The following MYH11 variants were observed in gnomAD, a reference collection of about 807,000 sequenced individuals.
The protein encoded by MYH11 is myosin-11.
A neutral mutation model predicts 246.6 loss-of-function variants in MYH11; 80 were observed. The ratio of observed to expected loss-of-function variants is 0.32; its 90% CI spans 0.27 to 0.39. The LOEUF is 0.39. Ranked by LOEUF, MYH11 falls within the 10% of genes least tolerant of loss-of-function variation. The probability of loss-of-function intolerance (pLI) is 1.00; values close to 1 mark genes in which losing one functional copy is unlikely to be tolerated. For synonymous variants in MYH11, 1,071 were observed against 1,015.5 expected (o/e 1.05, Z -1.04); for missense variants, 2,158 against 2,546.8 (o/e 0.85, Z 3.29).
Position 15,750,398 on chromosome 16 carries a change from G to A in MYH11, c.1865-67C>T. ...CACCCCTAAATAGGCCAGAGGCTCA[G>A]CCCCAGCCCCACCCACCAACCTGCC... On this transcript the variant is annotated intron_variant, in intron 15 of 40. Transcript: ENST00000300036. The surrounding 1 kb of genome is among the most constrained non-coding windows in gnomAD (Gnocchi z 4.3). 1 of 1,476,240 alleles carries A rather than the reference G, an allele frequency of 6.8e-7. No homozygotes were observed. The highest frequency in any genetic ancestry group is 9.2e-7 in the Non-Finnish European group (1 of 1,090,960). The allele number at this position is 1,476,240 out of a possible 1,614,324, so 91.4% of individuals were successfully genotyped here. A position where few individuals can be genotyped will look rare whatever the true frequency, so the allele number is the denominator to read the frequency against.
intron 40 of MYH11, among the ~76,000 whole-genome samples, chr16:15,710,582 G>A (rs1339524884): frequency 6.6e-6 from 1 of 152,140 alleles, no homozygotes; most frequent in Non-Finnish European, 1.5e-5. Flanking sequence ...AGACAGCAGT[G>A]GGGTAGGGAG....
intron 5 of MYH11, chr16:15,784,996 C>A (rs2042435492): frequency 3.9e-6 from 1 of 257,794 alleles, no homozygotes; most frequent in Admixed American, 6.1e-5. Flanking sequence ...CCAGGCCCAG[C>A]TAATTCTCTT....
In MYH11 at chr16:15,717,800, AAAG is replaced by A. The variant is rs1434773319; in HGVS notation, c.5296-455_5296-453del. 6 of 259,566 alleles carry A rather than the reference AAAG, an allele frequency of 2.3e-5. No individual in the cohort carries two copies. The East Asian group carries it at 3.9e-4, about 17-fold the overall frequency. 16.1% of individuals were successfully genotyped at this position (259,566 alleles called of 1,614,324 possible). A position where few individuals can be genotyped will look rare whatever the true frequency, so the allele number is the denominator to read the frequency against. ...CACAGAGAGACCCTGTCTCCAAAAA[AAAG>A]AGGTGCTTCCACAAGTGTCAGTGCC... On this transcript the variant is annotated intron_variant, in intron 37 of 40. Coordinates refer to ENST00000300036, the MANE Select transcript of MYH11 (RefSeq NM_002474.3).
At chr16:15,776,890 A>G (rs2042233221) in intron 7 of MYH11, among the ~76,000 whole-genome samples, 1 of 152,106 alleles carries the variant, frequency 6.6e-6, no homozygotes, top group South Asian at 2.1e-4. Context: ...GGGTGATGGG[A>G]GAGGGCAGCT....
intron 14 of MYH11, 115 bp from the exon 15 acceptor site, chr16:15,753,623 T>C: frequency 1.3e-6 from 1 of 797,612 alleles, no homozygotes; most frequent in Non-Finnish European, 2.2e-6. Context: ...AGAGAGGAAA[T>C]GACGTTTATG....
chr16:15,791,850 T>A (rs2042617910), intron 4 of MYH11: 1 of 151,890 alleles, frequency 6.6e-6, no homozygotes, highest in Non-Finnish European at 1.5e-5. Context: ...ATTTTTAAAT[T>A]TTCTGTAGAG....
intron 2 of MYH11, 146 bp downstream of exon 2, chr16:15,837,762 T>C (rs1184943666): frequency 8.5e-6 from 6 of 703,850 alleles, no homozygotes; most frequent in Non-Finnish European, 1.5e-5. Context: ...CTCGAACTTC[T>C]GACCTCAGGT....
intron 1 of MYH11, among the ~76,000 whole-genome samples, chr16:15,841,480 A>G (rs2044049576): frequency 6.6e-6 from 1 of 152,158 alleles, no homozygotes; most frequent in Admixed American, 6.6e-5. Context: ...AGTGGGGTGG[A>G]AATGTGAAAA....
intron 10 of MYH11, among the ~76,000 whole-genome samples, chr16:15,762,902 C>A (rs2041901195): frequency 2.0e-5 from 3 of 152,152 alleles, no homozygotes; most frequent in Non-Finnish European, 1.5e-5. Context: ...AAAAGCAACA[C>A]AATATACAGC....
At chr16:15,730,961 T>C (rs1224541736) in intron 27 of MYH11, among the ~76,000 whole-genome samples, 2 of 152,172 alleles carry the variant, frequency 1.3e-5, no homozygotes, top group Non-Finnish European at 2.9e-5. Context: ...TGTTCTGCCA[T>C]TGAAATCAAA....
intron 38 of MYH11, among the ~76,000 whole-genome samples, 197 bp downstream of exon 38, chr16:15,716,943 T>C (rs1365691524): frequency 6.6e-6 from 1 of 152,220 alleles, no homozygotes; most frequent in Non-Finnish European, 1.5e-5. Context: ...CTTTAGGTGC[T>C]TGCCCTAGGC....
At chr16:15,712,882 G>GTTTTTTTTTTTGTTT (rs2039889791) in intron 40 of MYH11, 2 of 90,636 alleles carry the variant, frequency 2.2e-5, no homozygotes, top group Non-Finnish European at 4.5e-5. Flanking sequence ...TTCACATACA[G>GTTTTTTTTTTTGTTT]TTTTTTTTTT....
chr16:15,738,660 C>G lies in MYH11; in HGVS notation c.3026G>C (p.Ser1009Thr), dbSNP rs2041190293. The change falls in exon 24 of 41, where the codon AGT (serine) becomes ACT (threonine). Residue 1009 changes from serine (S) to threonine (T), a missense_variant. This residue lies in a region of MYH11 where 284 missense variants were observed against 315.4 expected (regional missense o/e 0.90). Coordinates refer to ENST00000300036, the MANE Select transcript of MYH11 (RefSeq NM_002474.3). ...KERKLLEERI[S>T]DLTTNLAEEE... ...TTCTGCAAGATTTGTCGTTAAGTCA[C>G]TAATCCTCTCCTCAAGGAGTTTTCG... 5 of 1,614,010 alleles carry G rather than the reference C, an allele frequency of 3.1e-6. No homozygotes were observed. Among genetic ancestry groups the G allele is most frequent in the Non-Finnish European group, 4.2e-6 (5 of 1,179,928 alleles).
chr16:15,805,998 G>A (rs2043001613), intron 3 of MYH11, among the ~76,000 whole-genome samples: 1 of 152,000 alleles, frequency 6.6e-6, no homozygotes, highest in Non-Finnish European at 1.5e-5. Context: ...AAGCTAGCCG[G>A]CTGGGCACGG....
At chr16:15,708,971 T>TAAAAATAAAAGACTCC in intron 40 of MYH11, 1 of 1,000,094 alleles carries the variant, frequency 1.0e-6, no homozygotes. Flanking sequence ...TATTTTGAGA[T>TAAAAATAAAAGACTCC]AGTCTCTGTC....
At chr16:15,828,336 AG>A (rs917887837) in intron 2 of MYH11, among the ~76,000 whole-genome samples, 9 of 152,230 alleles carry the variant, frequency 5.9e-5, no homozygotes, top group Admixed American at 4.6e-4. Flanking sequence ...ATTTCACGAG[AG>A]GGAAGTCTTG....
At chr16:15,719,547 C>T (rs1406756734) in intron 35 of MYH11, 38 bp downstream of exon 35, 2 of 1,612,882 alleles carry the variant, frequency 1.2e-6, no homozygotes, top group Admixed American at 1.7e-5. Flanking sequence ...TACCGTGACA[C>T]CCGCATCTGA....
intron 40 of MYH11, chr16:15,708,979 G>T: frequency 1.1e-6 from 1 of 948,938 alleles, no homozygotes; most frequent in South Asian, 1.5e-5. Context: ...GATAGTCTCT[G>T]TCACCCAGGC....
chr16:15,718,263 G>A (rs372643510), intron 37 of MYH11, 52 bp downstream of exon 37: 4 of 1,603,902 alleles, frequency 2.5e-6, no homozygotes, highest in Non-Finnish European at 3.4e-6. Flanking sequence ...GCAGGATCCT[G>A]CTGCAGGAGA....
Sources: gnomAD v4.1 joint callset for allele counts (sites outside exome capture counted in the v4.1 genomes callset) on GRCh38, gnomAD v4.1.1 for gene constraint, gnomAD v4.1.1 regional missense constraint, Gnocchi (gnomAD v3.1) non-coding constraint, MANE v1.5 for transcripts, NCBI Gene and HGNC (gene_info 2026-07-23, HGNC 2026-07-21) for gene names.